The following RIPOR3 variants were observed in gnomAD, a reference collection of about 807,000 sequenced individuals.
RIPOR3 encodes family with sequence similarity 65 member C.
A neutral mutation model predicts 114.3 loss-of-function variants in RIPOR3; 95 were observed. That is an observed-to-expected ratio of 0.83 (90% CI 0.70 to 0.99). RIPOR3 has a LOEUF of 0.99. RIPOR3 is among the 50% of genes least tolerant of loss of function. The pLI, the probability that RIPOR3 is intolerant of heterozygous loss-of-function variation, is 0.00. For synonymous variants in RIPOR3, 575 were observed against 543.8 expected (o/e 1.06, Z -0.80); for missense variants, 1,252 against 1,266.9 (o/e 0.99, Z 0.18).
At chr20:50,657,101 C>T (rs1447726039) in intron 1 of RIPOR3, among the ~76,000 whole-genome samples, 1 of 152,152 alleles carries the variant, frequency 6.6e-6, no homozygotes, top group African/African-American at 2.4e-5. Context: ...TGAGAGAACC[C>T]TGTGGCCAAG....
At chr20:50,664,972 C>T (rs2123475787) in intron 1 of RIPOR3, among the ~76,000 whole-genome samples, 1 of 152,136 alleles carries the variant, frequency 6.6e-6, no homozygotes, top group Admixed American at 6.6e-5. Context: ...CATGGTGGCG[C>T]ATGCCTGTAA....
Sources: gnomAD v4.1 joint callset for allele counts (sites outside exome capture counted in the v4.1 genomes callset) on GRCh38, gnomAD v4.1.1 for gene constraint, MANE v1.5 for transcripts, NCBI Gene and HGNC (gene_info 2026-07-23, HGNC 2026-07-21) for gene names.